HDAC6: variants seen among roughly 807,000 people sequenced by gnomAD.
HDAC6 encodes the protein protein deacetylase HDAC6.
In HDAC6, 5 loss-of-function variants were observed where a neutral mutation model predicts 88.9. The ratio of observed to expected loss-of-function variants is 0.06; its 90% confidence interval spans 0.03 to 0.12. The LOEUF is 0.12. Ranked by LOEUF, HDAC6 falls within the 10% of genes least tolerant of loss-of-function variation. The pLI, the probability that HDAC6 is intolerant of heterozygous loss-of-function variation, is 1.00. For synonymous variants in HDAC6, 378 were observed against 398.0 expected (o/e 0.95, Z 0.60); for missense variants, 706 against 1,014.4 (o/e 0.70, Z 4.13).
chrX:48,820,010 T>G, intron 22 of HDAC6, 96 bp from the exon 23 acceptor site: 1 of 878,427 alleles, frequency 1.1e-6, no homozygotes, highest in Non-Finnish European at 1.7e-6. Flanking sequence ...CATGTCTTCA[T>G]TTGTCCTTTT....
rs1187560350 is a variant in HDAC6, at chrX:48,805,621, C to T, written c.397-10C>T. 7 of 1,184,326 alleles carry T rather than the reference C, an allele frequency of 5.9e-6. No homozygotes were observed. Among genetic ancestry groups the T allele is most frequent in the African/African-American group, 3.5e-5 (2 of 56,533 alleles). On this transcript the variant is annotated splice_polypyrimidine_tract_variant and intron_variant, in intron 5 of 28. Coordinates refer to ENST00000334136, the MANE Select transcript of HDAC6 (RefSeq NM_006044.4). ...CCCTTTACCCCACTTTATTCCTCAT[C>T]TCTCCCCAGGCCCGGTTTGCTGAAA... is the stretch of plus-strand genomic sequence containing the variant.
At chrX:48,821,961 A>G (rs1020699256) in intron 23 of HDAC6, among the ~76,000 whole-genome samples, 1 of 112,182 alleles carries the variant, frequency 8.9e-6, no homozygotes, top group East Asian at 2.8e-4. Flanking sequence ...AGAGAGCCCA[A>G]GTTCAAACCC....
chrX:48,807,506 T>C (rs1448879883), intron 8 of HDAC6, among the ~76,000 whole-genome samples: 1 of 112,443 alleles, frequency 8.9e-6, no homozygotes, highest in Non-Finnish European at 1.9e-5. Context: ...TCATTTTATT[T>C]TTATTTTTAT....
At chrX:48,804,918 G>T (rs2062788612) in intron 4 of HDAC6, among the ~76,000 whole-genome samples, 1 of 107,715 alleles carries the variant, frequency 9.3e-6, no homozygotes, top group South Asian at 4.1e-4. Context: ...CTAGGCGGGG[G>T]TGGGGGGGCC....
chrX:48,803,419 A>G, intron 4 of HDAC6: 1 of 420,936 alleles, frequency 2.4e-6, no homozygotes, highest in Non-Finnish European at 4.2e-6. Context: ...AGTTGGTGAT[A>G]CAAATGTACC....
Position 48,816,252 on chromosome X carries a change from G to T in HDAC6, c.1605G>T (p.Glu535Asp). The part of the protein sequence containing the change: ...TLTPRPATEA[E>D]LLTCHSAEYV... ...CACCGCGCCCTGCCACAGAGGCTGA[G>T]CTGCTCACCTGTCACAGGTCAGACC... The change falls in exon 18 of 29, where the codon GAG becomes GAT. Residue 535 changes from glutamate to aspartate, a missense_variant. Physicochemically the swap from Glu to Asp is conservative, Grantham distance 45. Around this residue, in one of 9 missense-constraint regions of HDAC6, gnomAD observed 138 missense variants for 303.5 expected, o/e 0.45. Coordinates refer to ENST00000334136, the MANE Select transcript of HDAC6 (RefSeq NM_006044.4). 1 of 1,211,161 alleles carries T rather than the reference G, an allele frequency of 8.3e-7. No individual in the cohort carries two copies.
chrX:48,816,671 G>A, intron 19 of HDAC6, 38 bp downstream of exon 19: 2 of 1,149,793 alleles, frequency 1.7e-6, no homozygotes, highest in South Asian at 1.9e-5. Context: ...AGGACCTGGG[G>A]GGAATGGAAA....
At position 48,822,903 on chromosome X, in the gene HDAC6, TG is replaced by T; in HGVS notation, c.2513-7del. On this transcript the variant is annotated splice_polypyrimidine_tract_variant and splice_region_variant and intron_variant, in intron 24 of 28. Transcript: ENST00000334136. Reference sequence around the variant, plus strand: ...ACCCACACTCAAGGATCTCCCTCCCTGGTTCCAGAGGTAGAAGACAGAGAAG... The same window carrying T: ...ACCCACACTCAAGGATCTCCCTCCCTGTTCCAGAGGTAGAAGACAGAGAAG... 8.5e-7 allele frequency: 1 copy of T among 1,172,756 alleles called. No homozygotes were observed. The highest frequency in any genetic ancestry group is 1.1e-6 in the Non-Finnish European group (1 of 874,321).
At position 48,806,549 on chromosome X, in the gene HDAC6, C is replaced by CT. The variant is rs2062820660; in HGVS notation, c.535-59dup. Reference sequence around the variant, plus strand: ...GCCCACCCCACCCTGGGGGAAGCAGCTGAGTGGATAGGGCTGTTCTCTCCC... The same window carrying CT: ...GCCCACCCCACCCTGGGGGAAGCAGCTTGAGTGGATAGGGCTGTTCTCTCCC... On this transcript the variant is annotated intron_variant, in intron 7 of 28. Transcript: ENST00000334136. The CT allele has an allele frequency of 4.7e-6, 5 of 1,072,054 alleles. No individual in the cohort carries two copies. In the East Asian group the frequency reaches 1.5e-4, roughly 32 times the overall value. The allele number at this position is 1,072,054 out of a possible 1,213,427, so 88.3% of individuals were successfully genotyped here.
At chrX:48,810,726 AG>A (rs2062889685) in intron 10 of HDAC6, 1 of 110,370 alleles carries the variant, frequency 9.1e-6, no homozygotes, top group African/African-American at 3.3e-5. Context: ...CTCATGCCTC[AG>A]CCTCCTGAGT....
intron 10 of HDAC6, among the ~76,000 whole-genome samples, chrX:48,810,269 G>T (rs1427666393): frequency 9.1e-6 from 1 of 109,637 alleles, no homozygotes; most frequent in African/African-American, 3.3e-5. Flanking sequence ...TAGAGACAGG[G>T]TCTCACTATA....
intron 10 of HDAC6, 128 bp from the exon 11 acceptor site, chrX:48,814,312 G>C: frequency 1.6e-6 from 1 of 621,771 alleles, no homozygotes; most frequent in Non-Finnish European, 2.5e-6. Flanking sequence ...GGAAATTAAT[G>C]AATGAGAGAA....
intron 4 of HDAC6, among the ~76,000 whole-genome samples, chrX:48,804,336 A>G (rs1459012669): frequency 9.0e-6 from 1 of 111,535 alleles, no homozygotes; most frequent in Non-Finnish European, 1.9e-5. Context: ...TTCTTCCAAC[A>G]TGCCAGGCAC....
At chrX:48,822,857 A>AGAG in intron 24 of HDAC6, 55 bp from the exon 25 acceptor site, 1 of 1,160,325 alleles carries the variant, frequency 8.6e-7, no homozygotes, top group Non-Finnish European at 1.2e-6. Context: ...GGCAGAGATC[A>AGAG]GAGGCAGGAA....
intron 6 of HDAC6, 197 bp downstream of exon 6, chrX:48,805,868 T>G (rs2062809054): frequency 2.2e-6 from 1 of 445,840 alleles, no homozygotes; most frequent in Non-Finnish European, 3.9e-6. Flanking sequence ...TTGATGTGTG[T>G]CAGGTGCTTA....
upstream of HDAC6, chrX:48,801,653 C>G (rs1011829549): frequency 1.9e-5 from 5 of 258,727 alleles, no homozygotes; most frequent in Non-Finnish European, 3.4e-5. Context: ...GCGTAGCACG[C>G]CGACGCACCG....
intron 22 of HDAC6, chrX:48,819,546 CTT>C (rs782353677): frequency 3.4e-3 from 421 of 122,744 alleles, no homozygotes; most frequent in South Asian, 8.8e-3. Context: ...CCATCTGTCC[CTT>C]TTTTTTTTTT....
intron 1 of HDAC6, 150 bp downstream of exon 1, chrX:48,802,292 C>T (rs2062738290): frequency 1.7e-5 from 15 of 883,061 alleles, no homozygotes; most frequent in Non-Finnish European, 2.1e-5. Context: ...GGAATGGGGT[C>T]TGGGCTGGGC....
In HDAC6 at chrX:48,823,954, G is replaced by C; in HGVS notation, c.3336G>C (p.Trp1112Cys). Reference protein sequence around the residue: ...AIFYAVTPLPWCPHLVAVCPI... With the variant: ...AIFYAVTPLPCCPHLVAVCPI... The stretch of plus-strand genomic sequence containing the variant: ...TTTATGCTGTGACACCACTGCCCTG[G>C]TGTCCCCATTTGGTGGCAGTATGCC... The change falls in exon 27 of 29, where the codon TGG becomes TGC. Residue 1112 changes from tryptophan to cysteine, a missense_variant. This residue lies in a region of HDAC6 where 112 missense variants were observed against 95.1 expected (regional missense o/e 1.18). Transcript: ENST00000334136. 8.3e-7 allele frequency: 1 copy of C among 1,211,605 alleles called. No homozygotes were observed. Among genetic ancestry groups the C allele is most frequent in the Non-Finnish European group, 1.1e-6 (1 of 895,241 alleles).
Sources: allele counts gnomAD v4.1 joint callset (sites outside exome capture counted in the v4.1 genomes callset), GRCh38; gene constraint gnomAD v4.1.1; regional missense constraint gnomAD v4.1.1; transcripts MANE v1.5; gene names NCBI Gene and HGNC (gene_info 2026-07-23, HGNC 2026-07-21).